Variants in DLEU7 observed in about 807,000 individuals in gnomAD.
The protein encoded by DLEU7 is leukemia-associated protein 7.
DLEU7 carries 17 observed loss-of-function variants against 16.0 expected under a neutral mutation model. The observed-to-expected ratio is 1.06, with a 90% CI of 0.73 to 1.59. The LOEUF (loss-of-function observed/expected upper bound fraction) is 1.59, where lower values mean the gene tolerates loss of function less well. Among genes scored for constraint, DLEU7 ranks in the 40% most tolerant of loss-of-function variants. The pLI, the probability that DLEU7 is intolerant of heterozygous loss-of-function variation, is 0.00. For missense variants in DLEU7, 308 were observed against 314.9 expected (o/e 0.98, Z 0.17); for synonymous variants, 113 against 139.8 (o/e 0.81, Z 1.35).
chr13:50,767,795 C>A (rs528882158), intron 1 of DLEU7, among the ~76,000 whole-genome samples: 1 of 152,294 alleles, frequency 6.6e-6, no homozygotes, highest in Non-Finnish European at 1.5e-5. Context: ...CAGGAGACAC[C>A]CCTTAGCCCT....
chr13:50,770,301 A>G lies in DLEU7; in HGVS notation c.460-57061T>C, dbSNP rs188447293. 3.3e-4 allele frequency among the ~76,000 whole-genome samples: 50 copies of G among 152,234 alleles called. 1 individual carries two copies. Among genetic ancestry groups the G allele is most frequent in the Admixed American group, 1.2e-3 (18 of 15,302 alleles). On this transcript the variant is annotated intron_variant, in intron 1 of 1. Coordinates refer to the DLEU7 transcript ENST00000400393. ...CTGATTGCCCTGGCCAGAACTTCCA[A>G]CACTATGTTGAATAGGAGTGGTGAG...
chr13:50,820,614 T>A (rs1876873790), downstream of DLEU7, among the ~76,000 whole-genome samples: 1 of 152,088 alleles, frequency 6.6e-6, no homozygotes, highest in Non-Finnish European at 1.5e-5. Context: ...AGAAGCAAGC[T>A]CATCAGCTGA....
chr13:50,745,171 G>A (rs1874359020), intron 1 of DLEU7, among the ~76,000 whole-genome samples: 1 of 152,166 alleles, frequency 6.6e-6, no homozygotes, highest in Non-Finnish European at 1.5e-5. Context: ...CTACCCAAAT[G>A]TCCACAGATG....
chr13:50,742,511 G>A (rs917506581), intron 1 of DLEU7, among the ~76,000 whole-genome samples: 1 of 152,090 alleles, frequency 6.6e-6, no homozygotes, highest in Non-Finnish European at 1.5e-5. Context: ...GCTAACACAG[G>A]AAGCCACACT....
intron 1 of DLEU7, among the ~76,000 whole-genome samples, chr13:50,815,896 A>G (rs1876718555): frequency 6.7e-6 from 1 of 149,172 alleles, no homozygotes. Context: ...AAATTCAAAA[A>G]TTTGCTTCAA....
chr13:50,738,320 A>AACT (rs796606404), intron 1 of DLEU7, among the ~76,000 whole-genome samples: 11 of 152,322 alleles, frequency 7.2e-5, no homozygotes, highest in African/African-American at 2.6e-4. Context: ...CCTCAGCAGT[A>AACT]ACCACTGCCA....
intron 1 of DLEU7, among the ~76,000 whole-genome samples, chr13:50,793,459 C>A (rs1479051830): frequency 2.0e-5 from 3 of 152,212 alleles, no homozygotes; most frequent in Non-Finnish European, 2.9e-5. Context: ...AACTAATTTA[C>A]ATTCTGACCA....
chr13:50,808,914 G>A (rs1188173118), intron 1 of DLEU7, among the ~76,000 whole-genome samples: 1 of 151,884 alleles, frequency 6.6e-6, no homozygotes, highest in Non-Finnish European at 1.5e-5. Context: ...GAACAAAAAG[G>A]GAAATTAAAA....
intron 1 of DLEU7, among the ~76,000 whole-genome samples, chr13:50,740,147 C>A (rs1222396704): frequency 6.6e-6 from 1 of 152,122 alleles, no homozygotes; most frequent in East Asian, 1.9e-4. Flanking sequence ...TTTTTTCCTG[C>A]AGTATTTAGG....
chr13:50,754,490 A>G (rs1748109279), intron 1 of DLEU7, among the ~76,000 whole-genome samples: 1 of 152,226 alleles, frequency 6.6e-6, no homozygotes, highest in South Asian at 2.1e-4. Context: ...AAGAATAGCT[A>G]TCTCTGCTCC....
At chr13:50,736,898 C>G (rs1208753313) in intron 1 of DLEU7, among the ~76,000 whole-genome samples, 1 of 151,872 alleles carries the variant, frequency 6.6e-6, no homozygotes, top group Admixed American at 6.6e-5. Flanking sequence ...AAAAATTTAG[C>G]AACTTGAGGT....
intron 1 of DLEU7, among the ~76,000 whole-genome samples, chr13:50,815,708 GA>G (rs1876714134): frequency 6.6e-6 from 1 of 152,102 alleles, no homozygotes; most frequent in South Asian, 2.1e-4. Flanking sequence ...TGGTGCATGT[GA>G]ATTTGTGAAT....
chr13:50,782,144 A>T (rs909241287), intron 1 of DLEU7, among the ~76,000 whole-genome samples: 1 of 152,176 alleles, frequency 6.6e-6, no homozygotes. Context: ...TGGTCTGATC[A>T]TGACTCCTCA....
chr13:50,752,073 A>G (rs1450517623), intron 1 of DLEU7, among the ~76,000 whole-genome samples: 2 of 122,458 alleles, frequency 1.6e-5, no homozygotes, highest in Admixed American at 9.8e-5. Context: ...TTTTTTTGAG[A>G]TGGAGTCTTG....
intron 1 of DLEU7, among the ~76,000 whole-genome samples, chr13:50,780,756 A>G (rs1188229768): frequency 6.6e-6 from 1 of 152,146 alleles, no homozygotes; most frequent in Non-Finnish European, 1.5e-5. Flanking sequence ...GGAGGTGGAG[A>G]AGGCCTGTGG....
At position 50,843,224 on chromosome 13, in the gene DLEU7, G is replaced by A; in HGVS notation, c.423C>T (p.Pro141=). ...TGGGAAAGGACCGCTCCTGCTGGAG[G>A]GGCCCCAGCAGCGTCTGCTCCACGC... The part of the protein sequence containing the change: ...LVSVEQTLLG[P]LQQERSFPIH... The change falls in exon 1 of 2, where the codon CCC becomes CCT. Residue 141 remains proline (P), a synonymous_variant. Coordinates refer to ENST00000504404, the MANE Select transcript of DLEU7 (RefSeq NM_001306135.2). The surrounding 1 kb of genome is among the most constrained non-coding windows in gnomAD (Gnocchi z 5.7). 1 of 1,593,932 alleles carries A rather than the reference G, an allele frequency of 6.3e-7. No homozygotes were observed. The highest frequency in any genetic ancestry group is 2.4e-5 in the East Asian group (1 of 41,994).
chr13:50,805,125 C>T (rs1876354188), intron 1 of DLEU7, among the ~76,000 whole-genome samples: 1 of 152,130 alleles, frequency 6.6e-6, no homozygotes. Flanking sequence ...TTGTTCCTGA[C>T]ATTAATATAA....
intron 1 of DLEU7, among the ~76,000 whole-genome samples, chr13:50,816,471 C>A (rs981574906): frequency 6.6e-6 from 1 of 152,030 alleles, no homozygotes; most frequent in African/African-American, 2.4e-5. Flanking sequence ...CGTCTGTTAA[C>A]TTTATTTATG....
intron 1 of DLEU7, among the ~76,000 whole-genome samples, chr13:50,742,091 T>A (rs1052523356): frequency 4.6e-5 from 7 of 152,186 alleles, no homozygotes; most frequent in African/African-American, 1.4e-4. Flanking sequence ...ATTCAAAAAA[T>A]TTTTCTAATA....
Sources: allele counts gnomAD v4.1 joint callset (sites outside exome capture counted in the v4.1 genomes callset), GRCh38; gene constraint gnomAD v4.1.1; non-coding constraint Gnocchi (gnomAD v3.1); transcripts MANE v1.5; gene names NCBI Gene and HGNC (gene_info 2026-07-23, HGNC 2026-07-21).